The following ERCC6L2 variants were observed in gnomAD, a reference collection of about 807,000 sequenced individuals.
The protein encoded by ERCC6L2 is DNA excision repair protein ERCC-6-like 2.
A neutral mutation model predicts 132.0 loss-of-function variants in ERCC6L2; 77 were observed. The observed-to-expected ratio is 0.58, with a 90% CI of 0.49 to 0.71. The LOEUF is 0.71. ERCC6L2 is among the 30% of genes least tolerant of loss of function. The probability of loss-of-function intolerance (pLI) is 0.00; values close to 1 mark genes in which losing one functional copy is unlikely to be tolerated. For missense variants in ERCC6L2, 1,542 were observed against 1,837.6 expected (o/e 0.84, Z 2.94); for synonymous variants, 583 against 632.4 (o/e 0.92, Z 1.17).
At chr9:95,984,869 A>G (rs1833037403) in intron 17 of ERCC6L2, among the ~76,000 whole-genome samples, 1 of 152,236 alleles carries the variant, frequency 6.6e-6, no homozygotes, top group Admixed American at 6.5e-5. Flanking sequence ...TCTGGAAATT[A>G]TCTGGAGATG....
intron 18 of ERCC6L2, among the ~76,000 whole-genome samples, chr9:96,007,541 T>C (rs931455853): frequency 5.3e-5 from 8 of 152,112 alleles, no homozygotes; most frequent in Non-Finnish European, 1.0e-4. Context: ...GAAGGAGTTT[T>C]CTGAGAAAAG....
chr9:95,901,753 C>G (rs765506356), intron 3 of ERCC6L2, among the ~76,000 whole-genome samples: 3 of 152,188 alleles, frequency 2.0e-5, no homozygotes, highest in Admixed American at 2.0e-4. Context: ...TCTTTTGTTT[C>G]ATTGGCATCA....
At position 95,893,916 on chromosome 9, in the gene ERCC6L2, A is replaced by C. The variant is rs150608326; in HGVS notation, c.472-3933A>C. Reference sequence around the variant, plus strand: ...TGTTATTTTCATAAGTTTTTGAGATAGATTCTTTGATAACTGATTAATAGT... The same window carrying C: ...TGTTATTTTCATAAGTTTTTGAGATCGATTCTTTGATAACTGATTAATAGT... On this transcript the variant is annotated intron_variant, in intron 2 of 18. Transcript: ENST00000653738. Among the ~76,000 whole-genome samples the C allele has an allele frequency of 2.7e-3, 413 of 152,266 alleles. 1 individual carries two copies. The highest frequency in any genetic ancestry group is 9.5e-3 in the African/African-American group (396 of 41,566).
At chr9:95,984,261 C>T (rs1345176939) in intron 17 of ERCC6L2, among the ~76,000 whole-genome samples, 1 of 148,654 alleles carries the variant, frequency 6.7e-6, no homozygotes, top group African/African-American at 2.5e-5. Context: ...TAACTACATA[C>T]ATGTATGTTA....
chr9:95,910,025 G>A (rs1006257954), intron 4 of ERCC6L2, among the ~76,000 whole-genome samples: 1 of 152,158 alleles, frequency 6.6e-6, no homozygotes, highest in African/African-American at 2.4e-5. Flanking sequence ...TGATCCATGT[G>A]CACTTGGAAA....
At position 96,016,855 on chromosome 9, in the gene ERCC6L2, G is replaced by A; in HGVS notation, c.*3652G>A. ...CCAGAAGTTTTATTTGACACTTACT[G>A]GTCTATAAAATCCAAAGGAATGGGG... On this transcript the variant is annotated 3_prime_UTR_variant, in exon 19 of 19. Transcript: ENST00000653738. Among the ~76,000 whole-genome samples the A allele has an allele frequency of 6.6e-6, 1 of 152,258 alleles. No homozygotes were observed. Among genetic ancestry groups the A allele is most frequent in the Non-Finnish European group, 1.5e-5 (1 of 68,010 alleles).
intron 19 of ERCC6L2, among the ~76,000 whole-genome samples, chr9:96,038,527 C>T (rs562449494): frequency 6.6e-6 from 1 of 152,340 alleles, no homozygotes; most frequent in East Asian, 1.9e-4. Flanking sequence ...GGCCAGAAAG[C>T]ACACATTGGC....
chr9:95,970,218 A>G lies in ERCC6L2; in HGVS notation c.2101-358A>G, dbSNP rs965261863. 1.3e-4 allele frequency among the ~76,000 whole-genome samples: 20 copies of G among 152,082 alleles called. 1 individual carries two copies. On this transcript the variant is annotated intron_variant, in intron 14 of 18. Transcript: ENST00000653738. Reference sequence around the variant, plus strand: ...TGAAATGTTAATATGTCCTTACCATAATTATTGTATGGGAATGGTTGTTAT... The same window carrying G: ...TGAAATGTTAATATGTCCTTACCATGATTATTGTATGGGAATGGTTGTTAT...
At chr9:95,902,165 T>G (rs1004068895) in intron 3 of ERCC6L2, among the ~76,000 whole-genome samples, 3 of 152,196 alleles carry the variant, frequency 2.0e-5, no homozygotes, top group African/African-American at 7.2e-5. Flanking sequence ...TGAATAAGAA[T>G]GCATGAATGT....
chr9:95,988,223 C>T (rs1442213165), intron 17 of ERCC6L2, among the ~76,000 whole-genome samples: 1 of 152,192 alleles, frequency 6.6e-6, no homozygotes, highest in African/African-American at 2.4e-5. Flanking sequence ...TTGGTATGAG[C>T]ATAACTCTTT....
At chr9:95,913,351 A>G (rs1027339377) in intron 4 of ERCC6L2, among the ~76,000 whole-genome samples, 2 of 152,176 alleles carry the variant, frequency 1.3e-5, no homozygotes, top group Non-Finnish European at 2.9e-5. Context: ...TGAATGCTCG[A>G]TTCTTTTTCT....
chr9:95,915,959 T>C (rs1002588122), intron 5 of ERCC6L2, 130 bp downstream of exon 5: 14 of 931,734 alleles, frequency 1.5e-5, no homozygotes, highest in Non-Finnish European at 1.9e-5. Context: ...TGATCCCAGA[T>C]GTGGTATACA....
At chr9:95,877,290 C>T (rs1248661521) in intron 1 of ERCC6L2, among the ~76,000 whole-genome samples, 1 of 151,788 alleles carries the variant, frequency 6.6e-6, no homozygotes, top group African/African-American at 2.4e-5. Flanking sequence ...TAGAAATTAT[C>T]CGAACTCAAA....
chr9:95,950,589 A>C (rs547116181), intron 12 of ERCC6L2, among the ~76,000 whole-genome samples: 1 of 152,326 alleles, frequency 6.6e-6, no homozygotes, highest in East Asian at 1.9e-4. Context: ...TATGCTATCC[A>C]TAAGAGACTC....
rs572144305 is a variant in ERCC6L2, at chr9:96,012,584, A to G, written c.4034A>G (p.Tyr1345Cys). 273 of 1,367,658 alleles carry G rather than the reference A, an allele frequency of 2.0e-4. 4 individuals are homozygous for G. The South Asian group carries it at 2.9e-3, about 15-fold the overall frequency. 84.7% of individuals were successfully genotyped at this position (1,367,658 alleles called of 1,614,324 possible). The change falls in exon 19 of 19, where the codon TAT becomes TGT. Residue 1345 changes from tyrosine to cysteine, a missense_variant. Physicochemically the swap from Tyr to Cys is radical, Grantham distance 194. Transcript: ENST00000653738. ...GTTAAGTTTCAGAATCATATTTCCTATAGAGAAGAGGTGTTTTTTAATGAT... is the reference window on the plus strand; with the variant it reads ...GTTAAGTTTCAGAATCATATTTCCTGTAGAGAAGAGGTGTTTTTTAATGAT... ...KSVKFQNHIS[Y>C]REEVFFNDAE...
chr9:95,894,004 A>G (rs1017433665), intron 2 of ERCC6L2, among the ~76,000 whole-genome samples: 6 of 152,172 alleles, frequency 3.9e-5, no homozygotes, highest in East Asian at 1.9e-4. Flanking sequence ...CCATAAACCC[A>G]TTGTAAGTTG....
At chr9:95,986,266 T>C (rs1029942368) in intron 17 of ERCC6L2, among the ~76,000 whole-genome samples, 12 of 152,368 alleles carry the variant, frequency 7.9e-5, no homozygotes, top group African/African-American at 2.9e-4. Flanking sequence ...ACTAAACTAA[T>C]TCAAATAACA....
rs745730843 is a variant in ERCC6L2 at position 96,004,649 on chromosome 9, C to T, written c.3622C>T (p.His1208Tyr). Residue 1208 changes from histidine (H) to tyrosine (Y), a missense_variant, in exon 18 of 19, where the codon CAT becomes TAT. This residue lies in a region of ERCC6L2 where 442 missense variants were observed against 583.4 expected (regional missense o/e 0.76). Coordinates refer to ENST00000653738, the MANE Select transcript of ERCC6L2 (RefSeq NM_020207.7). Reference protein sequence around the residue: ...PVNQKKKKVYHTNQTTFIIGE... With the variant: ...PVNQKKKKVYYTNQTTFIIGE... ...AAACCAGAAGAAGAAAAAAGTCTAC[C>T]ATACAAACCAGACCACCTTCATAAT... is the stretch of plus-strand genomic sequence containing the variant. 2 of 1,338,086 alleles carry T rather than the reference C, an allele frequency of 1.5e-6. No homozygotes were observed. Among genetic ancestry groups the T allele is most frequent in the African/African-American group, 1.5e-5 (1 of 67,156 alleles). 82.9% of individuals were successfully genotyped at this position (1,338,086 alleles called of 1,614,324 possible). A position where few individuals can be genotyped will look rare whatever the true frequency, so the allele number is the denominator to read the frequency against.
chr9:96,029,080 G>A (rs1024231463), intron 19 of ERCC6L2, among the ~76,000 whole-genome samples: 4 of 151,950 alleles, frequency 2.6e-5, no homozygotes, highest in East Asian at 1.9e-4. Context: ...CAAGGTGGGC[G>A]GATCACAAGG....
Sources: allele counts gnomAD v4.1 joint callset (sites outside exome capture counted in the v4.1 genomes callset), GRCh38; gene constraint gnomAD v4.1.1; regional missense constraint gnomAD v4.1.1; transcripts MANE v1.5; gene names NCBI Gene and HGNC (gene_info 2026-07-23, HGNC 2026-07-21).